The following TSHZ3 variants were observed in gnomAD, a reference collection of about 807,000 sequenced individuals.
TSHZ3 encodes teashirt zinc finger homeobox 3.
Under a neutral mutation model 64.5 loss-of-function variants are expected in TSHZ3, and 10 were observed. That is an observed-to-expected ratio of 0.16 (90% CI 0.10 to 0.26). The LOEUF (loss-of-function observed/expected upper bound fraction) is 0.26, where lower values mean the gene tolerates loss of function less well. Ranked by LOEUF, TSHZ3 falls within the 10% of genes least tolerant of loss-of-function variation. The pLI, the probability that TSHZ3 is intolerant of heterozygous loss-of-function variation, is 1.00. For synonymous variants in TSHZ3, 608 were observed against 593.1 expected, an observed-to-expected ratio of 1.03 and a Z score of -0.36; for missense variants, 1,242 against 1,421.7, an observed-to-expected ratio of 0.87 and a Z score of 2.03.
At chr19:31,282,831 G>C (rs560176847) in intron 1 of TSHZ3, among the ~76,000 whole-genome samples, 10 of 152,152 alleles carry the variant, frequency 6.6e-5, no homozygotes, top group Non-Finnish European at 1.3e-4. Context: ...AGCAGAACTG[G>C]GTCCTGGAGA....
At chr19:31,304,659 T>C (rs1393300531) in intron 1 of TSHZ3, among the ~76,000 whole-genome samples, 2 of 152,176 alleles carry the variant, frequency 1.3e-5, no homozygotes, top group African/African-American at 4.8e-5. Context: ...TTATAGCATA[T>C]GTGAGTTAGA....
At chr19:31,304,559 T>C (rs1976808390) in intron 1 of TSHZ3, among the ~76,000 whole-genome samples, 1 of 152,206 alleles carries the variant, frequency 6.6e-6, no homozygotes, top group South Asian at 2.1e-4. Flanking sequence ...TGAAAATGTA[T>C]AATTAAATTA....
In TSHZ3 at chr19:31,206,137, A is replaced by T. The variant is rs573184537; in HGVS notation, n.687-1059T>A. On this transcript the variant is annotated intron_variant and non_coding_transcript_variant, in intron 4 of 6. Coordinates refer to the TSHZ3 transcript ENST00000651361. Reference sequence around the variant, plus strand: ...GATGGATGGATGGATGGATAAATGAATGGATGGATGTGTGAATGGATAAAT... The same window carrying T: ...GATGGATGGATGGATGGATAAATGATTGGATGGATGTGTGAATGGATAAAT... Among the ~76,000 whole-genome samples the T allele has an allele frequency of 4.6e-5, 7 of 151,244 alleles. No homozygotes were observed. The South Asian group carries it at 1.5e-3, about 32-fold the overall frequency.
At chr19:31,326,381 GA>G (rs1340042860) in intron 1 of TSHZ3, among the ~76,000 whole-genome samples, 4 of 152,186 alleles carry the variant, frequency 2.6e-5, no homozygotes, top group Non-Finnish European at 1.5e-5. Context: ...TTAATTTAAA[GA>G]ATGACAATGC....
intron 5 of TSHZ3, among the ~76,000 whole-genome samples, chr19:31,170,490 T>C (rs1974522329): frequency 6.6e-6 from 1 of 152,168 alleles, no homozygotes; most frequent in African/African-American, 2.4e-5. Flanking sequence ...ATAACAAATG[T>C]GACTCTTACC....
At chr19:31,347,469 T>A (rs1467672862) in intron 1 of TSHZ3, among the ~76,000 whole-genome samples, 1 of 151,782 alleles carries the variant, frequency 6.6e-6, no homozygotes, top group Admixed American at 6.6e-5. Flanking sequence ...AAAAAAAAAA[T>A]TTCAAAGACT....
intron 1 of TSHZ3, among the ~76,000 whole-genome samples, chr19:31,319,205 C>A (rs900687603): frequency 6.6e-6 from 1 of 152,160 alleles, no homozygotes; most frequent in African/African-American, 2.4e-5. Flanking sequence ...AGCAACACTG[C>A]AGAAACAAGC....
At chr19:31,319,665 T>G (rs1008400863) in intron 1 of TSHZ3, among the ~76,000 whole-genome samples, 1 of 152,130 alleles carries the variant, frequency 6.6e-6, no homozygotes, top group Non-Finnish European at 1.5e-5. Context: ...GCAGAAAGTT[T>G]CTACTAGAAC....
intron 1 of TSHZ3, among the ~76,000 whole-genome samples, chr19:31,244,898 C>T (rs1408799187): frequency 6.6e-6 from 1 of 152,134 alleles, no homozygotes; most frequent in Non-Finnish European, 1.5e-5. Flanking sequence ...CCCACCTCAG[C>T]CTCCCAAAGT....
chr19:31,153,285 C>A (rs1473536322), intron 6 of TSHZ3, among the ~76,000 whole-genome samples: 1 of 152,144 alleles, frequency 6.6e-6, no homozygotes, highest in Non-Finnish European at 1.5e-5. Flanking sequence ...AGGATTCCTA[C>A]TAAAAAATGT....
chr19:31,202,647 C>T (rs948818873), intron 5 of TSHZ3, among the ~76,000 whole-genome samples: 1 of 152,140 alleles, frequency 6.6e-6, no homozygotes, highest in African/African-American at 2.4e-5. Flanking sequence ...TTCATGAACA[C>T]ACATGAAATT....
At chr19:31,205,051 G>A (rs1975146357) in exon 5 of TSHZ3, 1 of 152,222 alleles carries the variant, frequency 6.6e-6, no homozygotes, top group East Asian at 1.9e-4. Context: ...CAGTAGGGCT[G>A]CGATCCTTCC....
Position 31,323,863 on chromosome 19 carries a change from AACACACACACACACACAC to A in TSHZ3, c.40+25299_40+25316del, listed in dbSNP as rs58051976. On this transcript the variant is annotated intron_variant, in intron 1 of 1. Coordinates refer to ENST00000240587, the MANE Select transcript of TSHZ3 (RefSeq NM_020856.4). ...GCTCTTGTACTTGAACCTGGCCTCC[AACACACACACACACACAC>A]ACACACACACACACACACACACACA... 2.0e-3 allele frequency among the ~76,000 whole-genome samples: 243 copies of A among 122,316 alleles called. 2 individuals carry two copies. The highest frequency in any genetic ancestry group is 8.2e-3 in the South Asian group (26 of 3,152). The allele number at this position is 122,316 out of a possible 152,430, so 80.2% of individuals were successfully genotyped here. A position where few individuals can be genotyped will look rare whatever the true frequency, so the allele number is the denominator to read the frequency against.
chr19:31,205,125 G>T (rs1014730271), intron 4 of TSHZ3, among the ~76,000 whole-genome samples: 6 of 152,056 alleles, frequency 3.9e-5, no homozygotes, highest in Non-Finnish European at 7.4e-5. Flanking sequence ...TTCTGGAGAG[G>T]TTCCTTGTCG....
chr19:31,233,038 A>C (rs926776502), intron 3 of TSHZ3, among the ~76,000 whole-genome samples: 2 of 152,228 alleles, frequency 1.3e-5, no homozygotes, highest in Admixed American at 1.3e-4. Context: ...TTCCTGGACC[A>C]GTCTCTTTAT....
intron 5 of TSHZ3, among the ~76,000 whole-genome samples, chr19:31,196,562 T>C (rs993076257): frequency 6.6e-6 from 1 of 151,978 alleles, no homozygotes; most frequent in Non-Finnish European, 1.5e-5. Context: ...AATCCAACTA[T>C]AGGTTTTCTA....
At chr19:31,321,025 A>T (rs1916755874) in intron 1 of TSHZ3, among the ~76,000 whole-genome samples, 1 of 152,214 alleles carries the variant, frequency 6.6e-6, no homozygotes, top group South Asian at 2.1e-4. Context: ...ACATTTTTAA[A>T]ATCATAGCTT....
chr19:31,249,949 C>G (rs1975814312), intron 1 of TSHZ3, among the ~76,000 whole-genome samples: 1 of 152,228 alleles, frequency 6.6e-6, no homozygotes, highest in Non-Finnish European at 1.5e-5. Context: ...CCTGGGGATA[C>G]AGAAATATAT....
chr19:31,345,923 T>C (rs893979874), intron 1 of TSHZ3, among the ~76,000 whole-genome samples: 8 of 152,078 alleles, frequency 5.3e-5, no homozygotes, highest in African/African-American at 1.9e-4. Flanking sequence ...CCTCTGAGCT[T>C]CTAAAAGCAG....
Sources: gnomAD v4.1 joint callset for allele counts (sites outside exome capture counted in the v4.1 genomes callset) on GRCh38, gnomAD v4.1.1 for gene constraint, MANE v1.5 for transcripts, NCBI Gene and HGNC (gene_info 2026-07-23, HGNC 2026-07-21) for gene names.